The following FCHSD2 variants were observed in gnomAD, a reference collection of about 807,000 sequenced individuals.
The protein encoded by FCHSD2 is FCH and double SH3 domains 2, also known as F-BAR and double SH3 domains protein 2.
Under a neutral mutation model 108.1 loss-of-function variants are expected in FCHSD2, and 38 were observed. The ratio of observed to expected loss-of-function variants is 0.35; its 90% CI spans 0.27 to 0.46. The LOEUF is 0.46. Ranked by LOEUF, FCHSD2 falls within the 20% of genes least tolerant of loss-of-function variation. FCHSD2 has a pLI of 1.00. For synonymous variants in FCHSD2, 279 were observed against 314.7 expected, an observed-to-expected ratio of 0.89 and a Z score of 1.20; for missense variants, 751 against 897.8, an observed-to-expected ratio of 0.84 and a Z score of 2.09.
At chr11:73,072,493 G>GA (rs1054056110) in intron 3 of FCHSD2, among the ~76,000 whole-genome samples, 1 of 151,838 alleles carries the variant, frequency 6.6e-6, no homozygotes, top group African/African-American at 2.4e-5. Context: ...TTCAGGAGAG[G>GA]ACTCCATCTG....
chr11:72,892,636 A>G (rs777887945), intron 10 of FCHSD2, among the ~76,000 whole-genome samples: 2 of 152,078 alleles, frequency 1.3e-5, no homozygotes, highest in Non-Finnish European at 2.9e-5. Flanking sequence ...ACAGAGTCTC[A>G]CTCTGTTGGC....
chr11:72,921,094 GA>G (rs1855968849), intron 9 of FCHSD2, among the ~76,000 whole-genome samples: 2 of 151,980 alleles, frequency 1.3e-5, no homozygotes, highest in Admixed American at 1.3e-4. Flanking sequence ...AATTGAACTG[GA>G]TCTTTTAAAG....
Position 73,086,416 on chromosome 11 carries a change from C to T in FCHSD2, c.120-2676G>A, listed in dbSNP as rs188719078. ...GAGTGAGACTCCATCTCAAAACAAA[C>T]AAACAAACAAAAAACAAAAGATCAA... is the stretch of plus-strand genomic sequence containing the variant. On this transcript the variant is annotated intron_variant, in intron 2 of 19. Coordinates refer to ENST00000409418, the MANE Select transcript of FCHSD2 (RefSeq NM_014824.3). Among the ~76,000 whole-genome samples the T allele has an allele frequency of 2.6e-5, 4 of 152,044 alleles. No homozygotes were observed. In the East Asian group the frequency reaches 7.7e-4, roughly 29 times the overall value.
rs1860095700 is a variant in FCHSD2 at position 73,096,987 on chromosome 11, A to AATTTTTTTTTTTTT, written c.120-13248_120-13247insAAAAAAAAAAAAAT. Among the ~76,000 whole-genome samples, 9 of 27,020 alleles carry AATTTTTTTTTTTTT rather than the reference A, an allele frequency of 3.3e-4. 1 individual carries two copies. Among genetic ancestry groups the AATTTTTTTTTTTTT allele is most frequent in the African/African-American group, 1.8e-3 (9 of 5,040 alleles). The allele number at this position is 27,020 out of a possible 152,430, so 17.7% of individuals were successfully genotyped here. A position where few individuals can be genotyped will look rare whatever the true frequency, so the allele number is the denominator to read the frequency against. On this transcript the variant is annotated intron_variant, in intron 2 of 19. Transcript: ENST00000409418. The stretch of plus-strand genomic sequence containing the variant: ...CTAATGTGATGTATTTCATTGATGG[A>AATTTTTTTTTTTTT]TTTTTTTTTTTTTTTTTTTTTTTTT...
chr11:73,141,922 G>C lies in FCHSD2; in HGVS notation c.-45C>G. 6.5e-7 allele frequency: 1 copy of C among 1,534,200 alleles called. No individual in the cohort carries two copies. Among genetic ancestry groups the C allele is most frequent in the Non-Finnish European group, 8.8e-7 (1 of 1,141,072 alleles). On this transcript the variant is annotated 5_prime_UTR_variant, in exon 1 of 20. Coordinates refer to ENST00000409418, the MANE Select transcript of FCHSD2 (RefSeq NM_014824.3). ...TCCTCCCCGACGGCAGCGTTAGCAA[G>C]GACCAGGAGGAGGAGGAGGGCCGGA... is the stretch of plus-strand genomic sequence containing the variant.
chr11:72,880,881 AG>A (rs1401688289), intron 12 of FCHSD2, among the ~76,000 whole-genome samples: 1 of 151,292 alleles, frequency 6.6e-6, no homozygotes, highest in Admixed American at 6.6e-5. Context: ...AAAAAAAAAA[AG>A]AAAACAACAA....
chr11:73,093,253 C>T (rs548272593), intron 2 of FCHSD2, among the ~76,000 whole-genome samples: 12 of 152,304 alleles, frequency 7.9e-5, no homozygotes, highest in Admixed American at 7.8e-4. Context: ...TACACCTCTT[C>T]CCTTGGCTGA....
chr11:73,049,987 G>C (rs1858860984), intron 3 of FCHSD2, among the ~76,000 whole-genome samples: 1 of 152,220 alleles, frequency 6.6e-6, no homozygotes, highest in Non-Finnish European at 1.5e-5. Flanking sequence ...TGCTTTGAGA[G>C]AGAGTGAAAT....
At chr11:72,898,097 T>C (rs1565311641) in intron 10 of FCHSD2, among the ~76,000 whole-genome samples, 1 of 152,204 alleles carries the variant, frequency 6.6e-6, no homozygotes, top group South Asian at 2.1e-4. Flanking sequence ...CTTGTAGTCA[T>C]CTTTTGGTTA....
intron 8 of FCHSD2, among the ~76,000 whole-genome samples, chr11:72,923,159 TGTTTATTAATCAG>T (rs1856007382): frequency 6.9e-6 from 1 of 145,800 alleles, no homozygotes; most frequent in East Asian, 3.4e-4. Flanking sequence ...TACCACATTT[TGTTTATTAATCAG>T]GTGATATAAA....
At position 73,066,513 on chromosome 11, in the gene FCHSD2, G is replaced by A. The variant is rs187092924; in HGVS notation, c.165+17182C>T. On this transcript the variant is annotated intron_variant, in intron 3 of 19. Coordinates refer to ENST00000409418, the MANE Select transcript of FCHSD2 (RefSeq NM_014824.3). ...ACTAATGGGATCTAATTAAACTAAA[G>A]AGCTTTTGCACAGCAAAAGAAACTA... Among the ~76,000 whole-genome samples, 30 of 152,184 alleles carry A rather than the reference G, an allele frequency of 2.0e-4. 1 individual carries two copies. In the East Asian group the frequency reaches 5.8e-3, roughly 29 times the overall value.
At chr11:73,091,450 G>A (rs1322616804) in intron 2 of FCHSD2, among the ~76,000 whole-genome samples, 1 of 152,162 alleles carries the variant, frequency 6.6e-6, no homozygotes, top group Admixed American at 6.5e-5. Context: ...ATGGGAGGCT[G>A]AGGCAGGAGA....
chr11:72,868,313 A>C (rs1256886998), intron 12 of FCHSD2, among the ~76,000 whole-genome samples: 1 of 152,178 alleles, frequency 6.6e-6, no homozygotes, highest in African/African-American at 2.4e-5. Context: ...ACATACGGAC[A>C]CATGAGTGGG....
intron 8 of FCHSD2, among the ~76,000 whole-genome samples, chr11:72,943,241 C>T (rs528303581): frequency 9.5e-4 from 145 of 151,972 alleles, no homozygotes; most frequent in African/African-American, 3.3e-3. Flanking sequence ...GATCTGCCCA[C>T]CTCTACCTCC....
At chr11:73,140,268 T>A in intron 1 of FCHSD2, 140 bp from the exon 2 acceptor site, 1 of 530,918 alleles carries the variant, frequency 1.9e-6, no homozygotes, top group South Asian at 2.8e-5. Flanking sequence ...GCCATCTAGT[T>A]TTATTTATTG....
chr11:72,877,481 T>C (rs1854993980), intron 12 of FCHSD2, among the ~76,000 whole-genome samples: 1 of 152,156 alleles, frequency 6.6e-6, no homozygotes, highest in South Asian at 2.1e-4. Flanking sequence ...CCAGCTCTAT[T>C]AAATAATTTT....
At chr11:73,137,642 T>C (rs987994465) in intron 2 of FCHSD2, among the ~76,000 whole-genome samples, 2 of 152,148 alleles carry the variant, frequency 1.3e-5, no homozygotes, top group Admixed American at 1.3e-4. Flanking sequence ...TCAAAATCCT[T>C]TGAGATCACA....
chr11:72,982,367 T>C (rs1032837553), intron 8 of FCHSD2, among the ~76,000 whole-genome samples: 2 of 152,226 alleles, frequency 1.3e-5, no homozygotes, highest in African/African-American at 4.8e-5. Context: ...CCATTCACAA[T>C]TGCTGATTTG....
chr11:73,089,702 A>C (rs1300898141), intron 2 of FCHSD2, among the ~76,000 whole-genome samples: 1 of 152,208 alleles, frequency 6.6e-6, no homozygotes, highest in Non-Finnish European at 1.5e-5. Context: ...TATATTTTAG[A>C]ATTTCATTTA....
Sources: allele counts gnomAD v4.1 joint callset (sites outside exome capture counted in the v4.1 genomes callset), GRCh38; gene constraint gnomAD v4.1.1; transcripts MANE v1.5; gene names NCBI Gene and HGNC (gene_info 2026-07-23, HGNC 2026-07-21).